The following PPP2R2D variants were observed in gnomAD, a reference collection of about 807,000 sequenced individuals.
The protein encoded by PPP2R2D is protein phosphatase 2 regulatory subunit Bdelta.
In PPP2R2D, 9 loss-of-function variants were observed where a neutral mutation model predicts 31.1. That is an observed-to-expected ratio of 0.29 (90% confidence interval 0.17 to 0.51). The LOEUF (loss-of-function observed/expected upper bound fraction) is 0.51, where lower values mean the gene tolerates loss of function less well. Among genes scored for constraint, PPP2R2D ranks in the 20% least tolerant of loss-of-function variants. PPP2R2D has a pLI of 0.98. For missense variants in PPP2R2D, 391 were observed against 465.6 expected (o/e 0.84, Z 1.48); for synonymous variants, 179 against 172.6 (o/e 1.04, Z -0.29).
Position 131,956,129 on chromosome 10 carries a change from C to G in PPP2R2D, c.*166C>G, listed in dbSNP as rs1375176197. ...CTCCGCTGGAGGCCCGGTGTGGTTC[C>G]GCCTCGGCGAGGCGCGAGACAGGCG... is the stretch of plus-strand genomic sequence containing the variant. On this transcript the variant is annotated 3_prime_UTR_variant, in exon 9 of 9. Coordinates refer to ENST00000455566, the MANE Select transcript of PPP2R2D (RefSeq NM_018461.5). 1 of 1,252,842 alleles carries G rather than the reference C, an allele frequency of 8.0e-7. No individual in the cohort carries two copies. The highest frequency in any genetic ancestry group is 1.0e-6 in the Non-Finnish European group (1 of 1,000,606). The allele number at this position is 1,252,842 out of a possible 1,614,324, so 77.6% of individuals were successfully genotyped here. A position where few individuals can be genotyped will look rare whatever the true frequency, so the allele number is the denominator to read the frequency against.
chr10:131,916,309 C>A (rs373351823), intron 2 of PPP2R2D, among the ~76,000 whole-genome samples: 1 of 150,604 alleles, frequency 6.6e-6, no homozygotes, highest in Non-Finnish European at 1.5e-5. Flanking sequence ...AAATGTGACA[C>A]CCAGGTTGGC....
In PPP2R2D at chr10:131,955,830, G is replaced by T; in HGVS notation, c.1229G>T (p.Arg410Met). ...PRKVCTGGKR[R>M]KDEISVDSLD... ...AAGGTGTGTACGGGGGGTAAGCGGA[G>T]GAAAGACGAGATCAGTGTGGACAGT... is the stretch of plus-strand genomic sequence containing the variant. Residue 410 changes from arginine (R) to methionine (M), a missense_variant, in exon 9 of 9, where the codon AGG becomes ATG. Physicochemically the swap from Arg to Met is moderately conservative, Grantham distance 91 (BLOSUM62 -1). Around this residue, in one of 3 missense-constraint regions of PPP2R2D, gnomAD observed 163 missense variants for 179.5 expected, o/e 0.91. Transcript: ENST00000455566. 1.2e-6 allele frequency: 2 copies of T among 1,609,800 alleles called. No individual in the cohort carries two copies. The highest frequency in any genetic ancestry group is 2.3e-5 in the East Asian group (1 of 44,428).
At position 131,930,992 on chromosome 10, in the gene PPP2R2D, T is replaced by C. The variant is rs565333812; in HGVS notation, c.101-3466T>C. On this transcript the variant is annotated intron_variant, in intron 2 of 8. Coordinates refer to ENST00000455566, the MANE Select transcript of PPP2R2D (RefSeq NM_018461.5). ...CACTTTCTCCTCCTCTTTCCTTCTT[T>C]AGCATATTCTTCCTCTCCTGGGGGC... 2.7e-3 allele frequency among the ~76,000 whole-genome samples: 406 copies of C among 152,346 alleles called. 5 individuals carry two copies. The highest frequency in any genetic ancestry group is 9.2e-3 in the African/African-American group (383 of 41,576).
chr10:131,933,994 G>A (rs7074421), intron 2 of PPP2R2D, among the ~76,000 whole-genome samples: 22,731 of 152,046 alleles, frequency 0.15, 1,897 homozygotes, highest in African/African-American at 0.21. Context: ...TTGTACAGAA[G>A]CCAACAAAAG....
At chr10:131,966,114 A>G in the PPP2R2D span, among the ~76,000 whole-genome samples, 1 of 152,198 alleles carries the variant, frequency 6.6e-6, no homozygotes, top group Admixed American at 6.5e-5. Flanking sequence ...GCATAGATGC[A>G]TGGCTGGAGT....
intron 2 of PPP2R2D, among the ~76,000 whole-genome samples, chr10:131,924,017 G>A (rs1227869174): frequency 1.3e-5 from 2 of 152,156 alleles, no homozygotes; most frequent in East Asian, 3.8e-4. Context: ...CCGTGCCCGG[G>A]CCTTTCTTTT....
intron 2 of PPP2R2D, among the ~76,000 whole-genome samples, chr10:131,922,430 A>C (rs1402835049): frequency 6.6e-6 from 1 of 151,624 alleles, no homozygotes; most frequent in African/African-American, 2.4e-5. Context: ...CATGTTGTAC[A>C]TGATACATAC....
At chr10:131,940,313 G>T in intron 4 of PPP2R2D, 117 bp downstream of exon 4, 1 of 568,488 alleles carries the variant, frequency 1.8e-6, no homozygotes, top group Non-Finnish European at 3.2e-6. Flanking sequence ...TGGGGGGAGG[G>T]TAAGTTATCT....
chr10:131,947,744 C>T lies in PPP2R2D; in HGVS notation c.1035C>T (p.Asn345=), dbSNP rs2036567691. 4 of 1,614,168 alleles carry T rather than the reference C, an allele frequency of 2.5e-6. No homozygotes were observed. Among genetic ancestry groups the T allele is most frequent in the African/African-American group, 1.3e-5 (1 of 75,034 alleles). The change falls in exon 8 of 9, where the codon AAC becomes AAT. Residue 345 remains asparagine, a synonymous_variant. Coordinates refer to ENST00000455566, the MANE Select transcript of PPP2R2D (RefSeq NM_018461.5). This position sits in a 1 kb window ranked among gnomAD's most constrained non-coding sequence, Gnocchi z 4.3. ...GCAAGCTCTGCTCTCTCTATGAGAA[C>T]GACTGCATCTTTGACAAGTTTGAGT... ...LRSKLCSLYE[N]DCIFDKFECC... is the part of the protein sequence containing the mutation.
chr10:131,934,607 A>T lies in PPP2R2D; in HGVS notation c.198+52A>T. ...AATGCAATTATTCAACCTTTCGCAT[A>T]TAACTTAGAAGGGAGGAAGCAAAAT... On this transcript the variant is annotated intron_variant, in intron 3 of 8. Transcript: ENST00000455566. The T allele has an allele frequency of 2.0e-5, 15 of 761,358 alleles. No individual in the cohort carries two copies. In the South Asian group the frequency reaches 2.0e-4, roughly 10 times the overall value. 47.2% of individuals were successfully genotyped at this position (761,358 alleles called of 1,614,324 possible).
chr10:131,923,594 G>A (rs1333748692), intron 2 of PPP2R2D, among the ~76,000 whole-genome samples: 1 of 152,070 alleles, frequency 6.6e-6, no homozygotes, highest in African/African-American at 2.4e-5. Context: ...CTTCACCTAC[G>A]CTTGTTATTG....
chr10:131,919,814 TG>T (rs1413998032), intron 2 of PPP2R2D, among the ~76,000 whole-genome samples: 2 of 132,782 alleles, frequency 1.5e-5, no homozygotes, highest in Admixed American at 1.6e-4. Context: ...CTCAGGCGGG[TG>T]GAGTGACAGT....
intron 2 of PPP2R2D, among the ~76,000 whole-genome samples, chr10:131,907,716 C>G (rs1328802065): frequency 6.6e-6 from 1 of 151,156 alleles, no homozygotes; most frequent in East Asian, 1.9e-4. Flanking sequence ...GCACCTCCAG[C>G]CTGGGCAGCA....
intron 2 of PPP2R2D, among the ~76,000 whole-genome samples, chr10:131,907,856 G>A (rs2035622740): frequency 1.3e-5 from 2 of 152,284 alleles, no homozygotes; most frequent in Admixed American, 6.5e-5. Flanking sequence ...TACAAGATAT[G>A]TGGTGGTATT....
chr10:131,946,590 G>A (rs955621492), intron 7 of PPP2R2D, among the ~76,000 whole-genome samples: 4 of 152,192 alleles, frequency 2.6e-5, no homozygotes, highest in Admixed American at 6.5e-5. Flanking sequence ...CATTTGGCCT[G>A]TATCTTAAGC....
intron 2 of PPP2R2D, among the ~76,000 whole-genome samples, chr10:131,908,382 G>C (rs2035631216): frequency 6.6e-6 from 1 of 152,116 alleles, no homozygotes; most frequent in African/African-American, 2.4e-5. Context: ...CCCTGCTCCA[G>C]CTCCCCTCAG....
At chr10:131,964,489 C>T (rs144274183), downstream of PPP2R2D, among the ~76,000 whole-genome samples, 4 of 152,168 alleles carry the variant, frequency 2.6e-5, no homozygotes, top group East Asian at 1.9e-4. Flanking sequence ...GCTCAAACCG[C>T]GACTCACTGC....
intron 2 of PPP2R2D, among the ~76,000 whole-genome samples, chr10:131,914,491 A>T (rs781908766): frequency 2.0e-4 from 30 of 152,366 alleles, no homozygotes; most frequent in Admixed American, 5.2e-4. Context: ...CACAAGGGTT[A>T]GGACCCCAAG....
At chr10:131,961,913 G>A (rs1227572145), downstream of PPP2R2D, among the ~76,000 whole-genome samples, 1 of 151,556 alleles carries the variant, frequency 6.6e-6, no homozygotes, top group Non-Finnish European at 1.5e-5. Flanking sequence ...ATGCGCCTCC[G>A]CCTGAGTTCC....
Sources: gnomAD v4.1 joint callset for allele counts (sites outside exome capture counted in the v4.1 genomes callset) on GRCh38, gnomAD v4.1.1 for gene constraint, gnomAD v4.1.1 regional missense constraint, Gnocchi (gnomAD v3.1) non-coding constraint, MANE v1.5 for transcripts, NCBI Gene and HGNC (gene_info 2026-07-23, HGNC 2026-07-21) for gene names.